Variants in SLC13A1 observed in about 807,000 individuals in gnomAD.
SLC13A1 encodes the protein Na(+)/sulfate cotransporter.
Under a neutral mutation model 70.0 loss-of-function variants are expected in SLC13A1, and 65 were observed. The ratio of observed to expected loss-of-function variants is 0.93; its 90% CI spans 0.76 to 1.14. SLC13A1 has a LOEUF of 1.14. Ranked by LOEUF, SLC13A1 falls within the 50% of genes most tolerant of loss-of-function variation. The pLI is 0.00. For missense variants in SLC13A1, 726 were observed against 717.8 expected, an observed-to-expected ratio of 1.01 and a Z score of -0.13; for synonymous variants, 275 against 250.5, an observed-to-expected ratio of 1.10 and a Z score of -0.92.
chr7:123,187,061 T>C (rs1473624564), intron 1 of SLC13A1, among the ~76,000 whole-genome samples: 1 of 152,048 alleles, frequency 6.6e-6, no homozygotes, highest in Non-Finnish European at 1.5e-5. Flanking sequence ...CTCCCAAAAG[T>C]TACATCAAGA....
intron 6 of SLC13A1, among the ~76,000 whole-genome samples, chr7:123,165,423 T>G (rs1317882807): frequency 6.6e-6 from 1 of 152,260 alleles, no homozygotes; most frequent in Admixed American, 6.5e-5. Context: ...GAAAGGTTAT[T>G]CTTACCTCTG....
intron 7 of SLC13A1, 80 bp downstream of exon 7, chr7:123,147,079 T>C: frequency 7.1e-7 from 1 of 1,400,006 alleles, no homozygotes; most frequent in Non-Finnish European, 9.7e-7. Flanking sequence ...GTACTTGAAT[T>C]CTCTGAATCA....
intron 12 of SLC13A1, among the ~76,000 whole-genome samples, chr7:123,122,291 T>C (rs1233894139): frequency 6.6e-6 from 1 of 152,118 alleles, no homozygotes; most frequent in Non-Finnish European, 1.5e-5. Context: ...GGGCTGAACA[T>C]GACAGTTCTC....
chr7:123,140,395 CT>C (rs1276673730), intron 7 of SLC13A1, among the ~76,000 whole-genome samples: 1 of 151,778 alleles, frequency 6.6e-6, no homozygotes, highest in Non-Finnish European at 1.5e-5. Context: ...CTGTAGTTTC[CT>C]TTGTTTATGT....
At chr7:123,120,060 C>T (rs187344053) in intron 12 of SLC13A1, among the ~76,000 whole-genome samples, 1 of 152,136 alleles carries the variant, frequency 6.6e-6, no homozygotes, top group African/African-American at 2.4e-5. Context: ...GATGTCTTTT[C>T]ATGTTCCCTC....
intron 14 of SLC13A1, among the ~76,000 whole-genome samples, chr7:123,116,798 T>C (rs1793194181): frequency 6.6e-6 from 1 of 152,276 alleles, no homozygotes; most frequent in South Asian, 2.1e-4. Context: ...CTCACTAAAT[T>C]TACTTTGGCT....
At chr7:123,180,399 G>A (rs953648902) in intron 2 of SLC13A1, among the ~76,000 whole-genome samples, 4 of 152,084 alleles carry the variant, frequency 2.6e-5, no homozygotes, top group African/African-American at 9.7e-5. Context: ...TTCACTGGGT[G>A]GCTGGAGACT....
At chr7:123,163,282 A>T (rs1794970858) in intron 6 of SLC13A1, among the ~76,000 whole-genome samples, 1 of 152,028 alleles carries the variant, frequency 6.6e-6, no homozygotes, top group Non-Finnish European at 1.5e-5. Flanking sequence ...TTGTCTACAA[A>T]TATTTCAGCT....
chr7:123,148,006 G>C (rs150578726), intron 6 of SLC13A1, among the ~76,000 whole-genome samples: 1 of 151,970 alleles, frequency 6.6e-6, no homozygotes, highest in Non-Finnish European at 1.5e-5. Flanking sequence ...GGTTCCCAGG[G>C]GATATTACTC....
chr7:123,120,441 A>C (rs1201629712), intron 12 of SLC13A1, among the ~76,000 whole-genome samples: 2 of 152,032 alleles, frequency 1.3e-5, no homozygotes, highest in Non-Finnish European at 1.5e-5. Context: ...AAGCCTGGTC[A>C]TATTCTGCTC....
intron 3 of SLC13A1, among the ~76,000 whole-genome samples, chr7:123,170,177 A>G (rs919255111): frequency 6.6e-6 from 1 of 152,202 alleles, no homozygotes; most frequent in Non-Finnish European, 1.5e-5. Flanking sequence ...ATATAGAGCA[A>G]TTTATGAAAT....
chr7:123,173,994 G>A (rs1221920739), intron 2 of SLC13A1, among the ~76,000 whole-genome samples: 1 of 141,088 alleles, frequency 7.1e-6, no homozygotes, highest in Non-Finnish European at 1.5e-5. Flanking sequence ...TTTCTCCCTG[G>A]TTCTATACCT....
chr7:123,147,883 C>T (rs560175532), intron 6 of SLC13A1, among the ~76,000 whole-genome samples: 10 of 152,114 alleles, frequency 6.6e-5, no homozygotes, highest in Non-Finnish European at 8.8e-5. Context: ...CTTTCCTTCT[C>T]ACCACTACTC....
intron 3 of SLC13A1, among the ~76,000 whole-genome samples, chr7:123,170,167 A>G (rs1795221716): frequency 6.6e-6 from 1 of 152,292 alleles, no homozygotes; most frequent in Non-Finnish European, 1.5e-5. Flanking sequence ...ACACCTTTCT[A>G]TATAGAGCAA....
chr7:123,151,140 A>G (rs1272608199), intron 6 of SLC13A1, among the ~76,000 whole-genome samples: 5 of 151,876 alleles, frequency 3.3e-5, no homozygotes, highest in Admixed American at 6.6e-5. Context: ...CCTGGCCAAC[A>G]TGGTGAAACC....
chr7:123,128,029 C>G (rs1040442710), intron 10 of SLC13A1, among the ~76,000 whole-genome samples: 19 of 151,572 alleles, frequency 1.3e-4, no homozygotes, highest in Non-Finnish European at 2.4e-4. Context: ...ATACCCTTCC[C>G]CCTCACTTCA....
chr7:123,119,024 C>A, intron 13 of SLC13A1, 57 bp downstream of exon 13: 1 of 1,466,168 alleles, frequency 6.8e-7, no homozygotes, highest in Non-Finnish European at 9.3e-7. Flanking sequence ...AACCAGCATT[C>A]CGAAGCAGAG....
chr7:123,178,855 G>A (rs1052177673), intron 2 of SLC13A1, among the ~76,000 whole-genome samples: 4 of 152,124 alleles, frequency 2.6e-5, no homozygotes, highest in African/African-American at 7.2e-5. Context: ...TAGGGAAGAC[G>A]ATAGGCTCAT....
chr7:123,121,234 T>A (rs1339255912), intron 12 of SLC13A1, among the ~76,000 whole-genome samples: 28 of 151,962 alleles, frequency 1.8e-4, no homozygotes, highest in Non-Finnish European at 4.4e-5. Context: ...AGCCCATAGA[T>A]CTTTATACAC....
Sources: gnomAD v4.1 joint callset for allele counts (sites outside exome capture counted in the v4.1 genomes callset) on GRCh38, gnomAD v4.1.1 for gene constraint, MANE v1.5 for transcripts, NCBI Gene and HGNC (gene_info 2026-07-23, HGNC 2026-07-21) for gene names.